The following DMD variants were observed in gnomAD, a reference collection of about 807,000 sequenced individuals.
The protein encoded by DMD is mutant dystrophin.
DMD carries 63 observed loss-of-function variants against 330.1 expected under a neutral mutation model. That is an observed-to-expected ratio of 0.19 (90% CI 0.16 to 0.24). The LOEUF is 0.24. DMD is among the 10% of genes least tolerant of loss of function. The pLI is 1.00. For missense variants in DMD, 3,344 were observed against 2,684.1 expected (o/e 1.25, Z -5.43); for synonymous variants, 1,223 against 959.8 (o/e 1.27, Z -5.07).
intron 61 of DMD, among the ~76,000 whole-genome samples, chrX:31,324,022 A>C (rs1402920641): frequency 9.0e-6 from 1 of 111,054 alleles, no homozygotes; most frequent in Non-Finnish European, 1.9e-5. Flanking sequence ...ATTTTTTACT[A>C]TTTGACTGAC....
At chrX:32,581,673 A>G (rs1230629177) in intron 13 of DMD, among the ~76,000 whole-genome samples, 1 of 112,029 alleles carries the variant, frequency 8.9e-6, no homozygotes, top group Non-Finnish European at 1.9e-5. Flanking sequence ...ATTTAATTTT[A>G]AAATTTCCCA....
chrX:31,403,870 T>C (rs926866544), intron 60 of DMD, among the ~76,000 whole-genome samples: 4 of 111,883 alleles, frequency 3.6e-5, no homozygotes, highest in South Asian at 3.7e-4. Flanking sequence ...TGATTAGACA[T>C]AGATAAATAT....
chrX:31,717,915 C>T (rs2085180672), intron 52 of DMD, among the ~76,000 whole-genome samples: 1 of 111,487 alleles, frequency 9.0e-6, no homozygotes, highest in Non-Finnish European at 1.9e-5. Flanking sequence ...CCAGCTGTGG[C>T]CCAGGGCAAC....
intron 51 of DMD, among the ~76,000 whole-genome samples, chrX:31,749,015 T>A (rs2088124292): frequency 9.0e-6 from 1 of 111,034 alleles, no homozygotes; most frequent in Non-Finnish European, 1.9e-5. Flanking sequence ...AGCTGGGTAC[T>A]ATATTCATTT....
At chrX:31,166,953 A>G (rs983784871) in intron 74 of DMD, among the ~76,000 whole-genome samples, 2 of 111,692 alleles carry the variant, frequency 1.8e-5, no homozygotes, top group Non-Finnish European at 1.9e-5. Context: ...CTTTTAGAGA[A>G]CAAACCATCC....
chrX:32,243,409 A>G (rs1485288226), intron 43 of DMD, among the ~76,000 whole-genome samples: 1 of 111,889 alleles, frequency 8.9e-6, no homozygotes, highest in Non-Finnish European at 1.9e-5. Flanking sequence ...TAAGGATAAA[A>G]GACAATTATA....
chrX:31,750,084 T>C (rs2088369378), intron 51 of DMD, among the ~76,000 whole-genome samples: 1 of 110,236 alleles, frequency 9.1e-6, no homozygotes. Context: ...TTTTCTCCCA[T>C]GTTGTAGGTT....
chrX:32,735,303 G>A (rs1274877329), intron 7 of DMD, among the ~76,000 whole-genome samples: 1 of 110,399 alleles, frequency 9.1e-6, no homozygotes, highest in Non-Finnish European at 1.9e-5. Context: ...ATGCTCATGG[G>A]TAGGAAGAAT....
intron 44 of DMD, among the ~76,000 whole-genome samples, chrX:32,207,575 T>G (rs1471863871): frequency 2.7e-5 from 3 of 112,074 alleles, no homozygotes; most frequent in Non-Finnish European, 5.6e-5. Flanking sequence ...CCAAGGAGAC[T>G]AGAAAATATT....
At chrX:32,235,121 T>A (rs138778267) in intron 43 of DMD, among the ~76,000 whole-genome samples, 1 of 111,517 alleles carries the variant, frequency 9.0e-6, no homozygotes, top group African/African-American at 3.3e-5. Flanking sequence ...CATTATAATA[T>A]ATAATGAAAT....
chrX:32,634,847 G>A (rs772057235), intron 11 of DMD, among the ~76,000 whole-genome samples: 14 of 111,957 alleles, frequency 1.3e-4, no homozygotes, highest in East Asian at 2.8e-4. Context: ...CTGCCCCAGC[G>A]GATGTCTCAC....
chrX:31,541,893 T>C (rs1418181380), intron 55 of DMD, among the ~76,000 whole-genome samples: 2 of 111,768 alleles, frequency 1.8e-5, no homozygotes, highest in African/African-American at 6.5e-5. Context: ...TTCAAAGACT[T>C]AGAATGGAAA....
At position 33,050,710 on chromosome X, in the gene DMD, T is replaced by C. The variant is rs111292887; in HGVS notation, c.32-30510A>G. 2.2e-3 allele frequency among the ~76,000 whole-genome samples: 241 copies of C among 111,881 alleles called. 1 individual carries two copies. The highest frequency in any genetic ancestry group is 7.3e-3 in the African/African-American group (225 of 30,810). ...CCCATAGCCCATGACAAAGCTTGAT[T>C]AGAATGGAAAAGTGTTAAGCCATCA... On this transcript the variant is annotated intron_variant, in intron 1 of 78. Coordinates refer to ENST00000357033, the MANE Select transcript of DMD (RefSeq NM_004006.3).
chrX:32,654,904 C>A (rs920620306), intron 9 of DMD, among the ~76,000 whole-genome samples: 2 of 111,784 alleles, frequency 1.8e-5, no homozygotes, highest in Admixed American at 1.9e-4. Context: ...CGAATTTATC[C>A]ATTCCTTCTA....
chrX:32,727,852 T>C (rs1396395247), intron 7 of DMD, among the ~76,000 whole-genome samples: 1 of 110,647 alleles, frequency 9.0e-6, no homozygotes, highest in Non-Finnish European at 1.9e-5. Flanking sequence ...CTAGAAAATG[T>C]ACCACACAAA....
chrX:32,727,923 CAT>C (rs2067081239), intron 7 of DMD, among the ~76,000 whole-genome samples: 1 of 111,334 alleles, frequency 9.0e-6, no homozygotes, highest in Admixed American at 9.6e-5. Flanking sequence ...ATTTAATCTC[CAT>C]AGTTTATAAA....
At chrX:32,325,332 G>A (rs370742251) in intron 41 of DMD, among the ~76,000 whole-genome samples, 2 of 110,895 alleles carry the variant, frequency 1.8e-5, no homozygotes, top group African/African-American at 3.3e-5. Context: ...TAAAATAATC[G>A]CACAGAGCTC....
At chrX:31,363,581 T>C (rs1301612599) in intron 60 of DMD, among the ~76,000 whole-genome samples, 1 of 110,396 alleles carries the variant, frequency 9.1e-6, no homozygotes, top group Non-Finnish European at 1.9e-5. Flanking sequence ...AGTTTCACCA[T>C]GTTGCCCAGG....
intron 64 of DMD, among the ~76,000 whole-genome samples, chrX:31,214,077 T>G (rs909630307): frequency 6.1e-4 from 10 of 16,317 alleles, no homozygotes; most frequent in African/African-American, 1.6e-3. Flanking sequence ...TAATGTTAAG[T>G]TCAGAATTTC....
Sources: gnomAD v4.1 joint callset for allele counts (sites outside exome capture counted in the v4.1 genomes callset) on GRCh38, gnomAD v4.1.1 for gene constraint, MANE v1.5 for transcripts, NCBI Gene and HGNC (gene_info 2026-07-23, HGNC 2026-07-21) for gene names.